WDR17: variants seen among roughly 807,000 people sequenced by gnomAD.
WDR17 encodes the protein WD repeat-containing protein 17.
A neutral mutation model predicts 161.7 loss-of-function variants in WDR17; 143 were observed. The ratio of observed to expected loss-of-function variants is 0.88; its 90% CI spans 0.77 to 1.02. The LOEUF (loss-of-function observed/expected upper bound fraction) is 1.02. Among genes scored for constraint, WDR17 ranks in the 50% least tolerant of loss-of-function variants. The pLI, the probability that WDR17 is intolerant of heterozygous loss-of-function variation, is 0.00. For missense variants in WDR17, 1,469 were observed against 1,520.9 expected (o/e 0.97, Z 0.57); for synonymous variants, 517 against 515.6 (o/e 1.00, Z -0.04).
chr4:176,148,425 G>GT lies in WDR17; in HGVS notation c.1897+92dup. On this transcript the variant is annotated intron_variant, in intron 13 of 28. Transcript: ENST00000508596. ...TGAGGAATACAGTATTTTTGAAGAA[G>GT]TTATACAGTGTTTTATTTTACAATA... is the stretch of plus-strand genomic sequence containing the variant. The GT allele has an allele frequency of 3.6e-6, 4 of 1,100,638 alleles. No individual in the cohort carries two copies. The South Asian group carries it at 4.7e-5, about 13-fold the overall frequency. 68.2% of individuals were successfully genotyped at this position (1,100,638 alleles called of 1,614,324 possible). A position where few individuals can be genotyped will look rare whatever the true frequency, so the allele number is the denominator to read the frequency against.
intron 1 of WDR17, among the ~76,000 whole-genome samples, chr4:176,100,317 T>C (rs548009106): frequency 6.6e-6 from 1 of 152,198 alleles, no homozygotes; most frequent in Non-Finnish European, 1.5e-5. Flanking sequence ...TTAATTTGCA[T>C]TTCTCTGATG....
chr4:176,083,905 T>A (rs1735080065), intron 1 of WDR17, among the ~76,000 whole-genome samples: 1 of 152,146 alleles, frequency 6.6e-6, no homozygotes, highest in Admixed American at 6.6e-5. Flanking sequence ...TACTTTGTAT[T>A]TCCCTTATGA....
At chr4:176,082,542 C>T (rs1579000834) in intron 1 of WDR17, among the ~76,000 whole-genome samples, 2 of 151,984 alleles carry the variant, frequency 1.3e-5, no homozygotes, top group Admixed American at 6.6e-5. Flanking sequence ...TTCCAGTTCC[C>T]GTTCTACTAT....
chr4:176,144,042 G>A (rs1048812037), intron 11 of WDR17, among the ~76,000 whole-genome samples: 2 of 151,994 alleles, frequency 1.3e-5, no homozygotes, highest in African/African-American at 4.8e-5. Flanking sequence ...CTTGCATCCA[G>A]CCACACTCAC....
In WDR17 at chr4:176,075,841, T is replaced by G. The variant is rs1366388705; in HGVS notation, c.-7+9762T>G. On this transcript the variant is annotated intron_variant, in intron 1 of 28. Coordinates refer to ENST00000508596, the MANE Select transcript of WDR17 (RefSeq NM_181265.4). ...AAAAGAAAAAGAAATTAGCCAGGAG[T>G]GTTAGTGTGTGCTGTAGTCTCAGTT... 6.0e-5 allele frequency among the ~76,000 whole-genome samples: 9 copies of G among 151,136 alleles called. No homozygotes were observed. In the East Asian group the frequency reaches 1.7e-3, roughly 29 times the overall value.
chr4:176,108,785 T>A (rs1739231213), intron 1 of WDR17, among the ~76,000 whole-genome samples: 1 of 152,144 alleles, frequency 6.6e-6, no homozygotes, highest in African/African-American at 2.4e-5. Flanking sequence ...GTGAAAATTT[T>A]AAAATGACTT....
chr4:176,150,291 T>A, intron 15 of WDR17, 118 bp downstream of exon 15: 2 of 1,486,738 alleles, frequency 1.3e-6, no homozygotes, highest in Non-Finnish European at 1.8e-6. Flanking sequence ...ACTCTTACCA[T>A]AATCTGTGCA....
chr4:176,120,419 T>C (rs1424103526), intron 4 of WDR17, among the ~76,000 whole-genome samples: 3 of 151,476 alleles, frequency 2.0e-5, no homozygotes, highest in East Asian at 1.9e-4. Flanking sequence ...TTTCTGTACA[T>C]TTACTAAAAA....
chr4:176,105,527 A>C (rs1366177683), intron 1 of WDR17, among the ~76,000 whole-genome samples: 1 of 151,430 alleles, frequency 6.6e-6, no homozygotes. Context: ...TCTTCTCTGA[A>C]CACTGTGGGA....
intron 4 of WDR17, among the ~76,000 whole-genome samples, chr4:176,123,662 C>T (rs1479743557): frequency 2.6e-5 from 4 of 152,182 alleles, no homozygotes; most frequent in African/African-American, 4.8e-5. Context: ...ATGGGGCTTC[C>T]GTGCTGTCTC....
chr4:176,163,267 G>T lies in WDR17; in HGVS notation c.2964G>T (p.Ala988=). ...CCCACTATGCCTTAGAATTACTGGC[G>T]AGAAAGTGCATGATGATTTCAGTAT... ...PATHYALELL[A]RKCMMISVWN... Residue 988 remains alanine, a synonymous_variant, in exon 22 of 29, where the codon GCG becomes GCT. Coordinates refer to ENST00000508596, the MANE Select transcript of WDR17 (RefSeq NM_181265.4). 1 of 1,611,252 alleles carries T rather than the reference G, an allele frequency of 6.2e-7. No individual in the cohort carries two copies. Among genetic ancestry groups the T allele is most frequent in the Admixed American group, 1.7e-5 (1 of 59,324 alleles).
intron 1 of WDR17, among the ~76,000 whole-genome samples, chr4:176,105,202 C>G (rs192236489): frequency 1.3e-5 from 2 of 151,752 alleles, no homozygotes; most frequent in East Asian, 1.9e-4. Context: ...ATTTATACAC[C>G]TAAAAAACAC....
chr4:176,068,623 GA>G (rs1339638253), intron 1 of WDR17, among the ~76,000 whole-genome samples: 2 of 151,708 alleles, frequency 1.3e-5, no homozygotes, highest in Non-Finnish European at 2.9e-5. Context: ...AAAAGAAAAA[GA>G]AAAAAAGGAG....
chr4:176,165,384 T>A (rs562731277), intron 22 of WDR17, among the ~76,000 whole-genome samples: 23 of 151,208 alleles, frequency 1.5e-4, no homozygotes, highest in Non-Finnish European at 1.0e-4. Context: ...AAAAAAAAAA[T>A]TTGGCAGCAA....
intron 11 of WDR17, among the ~76,000 whole-genome samples, chr4:176,142,983 G>T (rs1488307330): frequency 6.6e-6 from 1 of 152,162 alleles, no homozygotes; most frequent in Non-Finnish European, 1.5e-5. Flanking sequence ...GGGTTCAAGC[G>T]ATTCTCCAGC....
At chr4:176,117,494 A>G (rs1740834414) in intron 3 of WDR17, among the ~76,000 whole-genome samples, 1 of 152,100 alleles carries the variant, frequency 6.6e-6, no homozygotes, top group Non-Finnish European at 1.5e-5. Flanking sequence ...AACTGCATAT[A>G]ATAAACATAA....
intron 3 of WDR17, among the ~76,000 whole-genome samples, chr4:176,117,301 C>T (rs1227246631): frequency 2.6e-5 from 4 of 151,948 alleles, no homozygotes; most frequent in Non-Finnish European, 1.5e-5. Context: ...TACTCCATTA[C>T]TGTTTATATT....
At chr4:176,108,257 A>C (rs1739127739) in intron 1 of WDR17, among the ~76,000 whole-genome samples, 2 of 152,218 alleles carry the variant, frequency 1.3e-5, no homozygotes, top group African/African-American at 2.4e-5. Flanking sequence ...GAAATTAGCT[A>C]TCGAGCCATG....
At chr4:176,075,185 G>T in intron 1 of WDR17, among the ~76,000 whole-genome samples, 1 of 115,880 alleles carries the variant, frequency 8.6e-6, no homozygotes. Context: ...TCAATTTTAT[G>T]ATCTATTTTA....
Sources: allele counts gnomAD v4.1 joint callset (sites outside exome capture counted in the v4.1 genomes callset), GRCh38; gene constraint gnomAD v4.1.1; transcripts MANE v1.5; gene names NCBI Gene and HGNC (gene_info 2026-07-23, HGNC 2026-07-21).